Variants in RBPJ observed in about 807,000 individuals in gnomAD.
RBPJ encodes the protein recombination signal binding protein for immunoglobulin kappa J region.
In RBPJ, 9 loss-of-function variants were observed where a neutral mutation model predicts 67.8. The observed-to-expected ratio is 0.13, with a 90% CI of 0.08 to 0.23. RBPJ has a LOEUF of 0.23. Among genes scored for constraint, RBPJ ranks in the 10% least tolerant of loss-of-function variants. RBPJ has a pLI of 1.00. For synonymous variants in RBPJ, 198 were observed against 203.3 expected (o/e 0.97, Z 0.22); for missense variants, 305 against 595.6 (o/e 0.51, Z 5.08).
intron 1 of RBPJ, among the ~76,000 whole-genome samples, chr4:26,337,047 C>T (rs1034023953): frequency 2.0e-5 from 3 of 152,098 alleles, no homozygotes; most frequent in Admixed American, 1.3e-4. Context: ...CTGCATCCTC[C>T]GTCTCCCGGG....
the RBPJ span, among the ~76,000 whole-genome samples, chr4:26,157,112 C>CAAACAAAAAAAAAAAAAAACAAAAA: frequency 8.8e-6 from 1 of 113,280 alleles, no homozygotes; most frequent in African/African-American, 3.2e-5. Flanking sequence ...AACAAACAAA[C>CAAACAAAAAAAAAAAAAAACAAAAA]AAACAAAAAA....
At chr4:26,267,112 A>T (rs1222373637) in intron 1 of RBPJ, among the ~76,000 whole-genome samples, 2 of 152,180 alleles carry the variant, frequency 1.3e-5, no homozygotes, top group African/African-American at 4.8e-5. Context: ...GAAGCCCAGT[A>T]TTGACTTCGC....
At chr4:26,278,459 G>A (rs577373634) in intron 1 of RBPJ, among the ~76,000 whole-genome samples, 2 of 152,228 alleles carry the variant, frequency 1.3e-5, no homozygotes, top group African/African-American at 4.8e-5. Context: ...GTCATTTACT[G>A]GGTAGAAATC....
intron 1 of RBPJ, among the ~76,000 whole-genome samples, chr4:26,191,007 C>G (rs1267429402): frequency 2.0e-5 from 3 of 150,354 alleles, no homozygotes; most frequent in Admixed American, 1.3e-4. Context: ...AAAACAATAG[C>G]CAGGCATAGC....
intron 1 of RBPJ, chr4:26,272,812 G>A: frequency 2.3e-6 from 1 of 425,852 alleles, no homozygotes; most frequent in Non-Finnish European, 4.7e-6. Context: ...AGTCCTATTG[G>A]ATCTGCATAA....
chr4:26,152,440 A>C, the RBPJ span, among the ~76,000 whole-genome samples: 1 of 152,258 alleles, frequency 6.6e-6, no homozygotes, highest in South Asian at 2.1e-4. Context: ...AGCATGGCCT[A>C]GCCCCTTGTG....
the RBPJ span, among the ~76,000 whole-genome samples, chr4:26,111,655 G>A: frequency 2.2e-4 from 34 of 152,322 alleles, no homozygotes; most frequent in African/African-American, 5.3e-4. Flanking sequence ...GCCTCTGGTC[G>A]CACATGACAA....
chr4:26,151,583 C>CCCA, the RBPJ span, among the ~76,000 whole-genome samples: 3 of 152,056 alleles, frequency 2.0e-5, no homozygotes, highest in Admixed American at 2.0e-4. Flanking sequence ...AGTCACTGTC[C>CCCA]CCACCACCAC....
intron 1 of RBPJ, among the ~76,000 whole-genome samples, chr4:26,303,452 A>AG (rs1722143184): frequency 6.7e-6 from 1 of 148,596 alleles, no homozygotes; most frequent in Admixed American, 6.7e-5. Context: ...AAAAAAAAAA[A>AG]AAAGAAAGAA....
intron 2 of RBPJ, among the ~76,000 whole-genome samples, chr4:26,397,037 AAGG>A (rs1168036580): frequency 6.6e-6 from 1 of 152,226 alleles, no homozygotes; most frequent in African/African-American, 2.4e-5. Flanking sequence ...GAAGAAAAAC[AAGG>A]AGATCTTAGT....
the RBPJ span, among the ~76,000 whole-genome samples, chr4:26,119,724 A>G: frequency 6.6e-6 from 1 of 152,234 alleles, no homozygotes; most frequent in Non-Finnish European, 1.5e-5. Context: ...CTCATAGGGT[A>G]TAGGTCACCT....
At chr4:26,137,585 C>T in the RBPJ span, among the ~76,000 whole-genome samples, 1 of 152,188 alleles carries the variant, frequency 6.6e-6, no homozygotes, top group East Asian at 1.9e-4. Context: ...CGTACCTCTC[C>T]GAGCCTCTTC....
At chr4:26,305,244 T>C (rs961999642) in intron 1 of RBPJ, among the ~76,000 whole-genome samples, 4 of 152,238 alleles carry the variant, frequency 2.6e-5, no homozygotes, top group African/African-American at 7.2e-5. Context: ...TGTAGCTCTG[T>C]AGAAAGTTTG....
chr4:26,201,036 C>A (rs1325064162), intron 1 of RBPJ, among the ~76,000 whole-genome samples: 1 of 152,108 alleles, frequency 6.6e-6, no homozygotes, highest in Admixed American at 6.6e-5. Flanking sequence ...AATGAGTATC[C>A]ATTCACCATC....
At chr4:26,205,395 G>A (rs1185787864) in intron 1 of RBPJ, among the ~76,000 whole-genome samples, 1 of 152,120 alleles carries the variant, frequency 6.6e-6, no homozygotes, top group Non-Finnish European at 1.5e-5. Context: ...AGGCTCCTGG[G>A]TTGACTATGT....
intron 1 of RBPJ, among the ~76,000 whole-genome samples, chr4:26,255,138 C>T (rs1217286372): frequency 7.3e-4 from 108 of 148,554 alleles, no homozygotes; most frequent in Non-Finnish European, 1.0e-3. Flanking sequence ...GGCGTGGTGG[C>T]TCACGCCTGT....
At chr4:26,365,841 GAGT>G (rs146535836) in intron 1 of RBPJ, among the ~76,000 whole-genome samples, 3,743 of 152,318 alleles carry the variant, frequency 0.025, 129 homozygotes, top group African/African-American at 0.074. Context: ...AAGGAATAGA[GAGT>G]AGAAGAACAT....
intron 1 of RBPJ, among the ~76,000 whole-genome samples, chr4:26,178,800 G>A (rs540016851): frequency 3.2e-4 from 48 of 151,172 alleles, no homozygotes; most frequent in African/African-American, 1.1e-3. Flanking sequence ...CAAAACCGTT[G>A]CTTGCTGATT....
rs1050447926 is a variant in RBPJ at position 26,323,294 on chromosome 4, A to G, written c.20+2246A>G. ...GCTCACTGGTTCTCTGACTGGGAGC[A>G]AAGTGTAAATACTGTGTAGTAATGG... is the stretch of plus-strand genomic sequence containing the variant. On this transcript the variant is annotated intron_variant, in intron 1 of 10. Transcript: ENST00000355476. 7.9e-5 allele frequency among the ~76,000 whole-genome samples: 12 copies of G among 152,230 alleles called. 1 individual carries two copies. The East Asian group carries it at 1.9e-3, about 24-fold the overall frequency.
Sources: allele counts gnomAD v4.1 joint callset (sites outside exome capture counted in the v4.1 genomes callset), GRCh38; gene constraint gnomAD v4.1.1; transcripts MANE v1.5; gene names NCBI Gene and HGNC (gene_info 2026-07-23, HGNC 2026-07-21).